NUP188: variants seen among roughly 807,000 people sequenced by gnomAD.
NUP188 encodes the protein nucleoporin 188.
A neutral mutation model predicts 223.0 loss-of-function variants in NUP188; 97 were observed. That is an observed-to-expected ratio of 0.43 (90% CI 0.37 to 0.51). NUP188 has a LOEUF of 0.51. NUP188 is among the 20% of genes least tolerant of loss of function. The pLI, the probability that NUP188 is intolerant of heterozygous loss-of-function variation, is 0.00. For synonymous variants in NUP188, 869 were observed against 828.0 expected (o/e 1.05, Z -0.85); for missense variants, 1,947 against 2,175.6 (o/e 0.89, Z 2.09).
chr9:129,004,866 T>G, intron 38 of NUP188: 1 of 513,092 alleles, frequency 1.9e-6, no homozygotes, highest in Non-Finnish European at 3.5e-6. Context: ...AGGGAGACAG[T>G]CCAGTCCTGA....
chr9:128,957,496 G>A (rs1044843913), intron 5 of NUP188, among the ~76,000 whole-genome samples: 1 of 151,642 alleles, frequency 6.6e-6, no homozygotes, highest in African/African-American at 2.4e-5. Flanking sequence ...ATGGAGTTTC[G>A]CTCTGTCTCC....
Position 128,970,784 on chromosome 9 carries a change from T to G in NUP188, c.939T>G (p.Phe313Leu). The change falls in exon 11 of 44, where the codon TTT (phenylalanine) becomes TTG (leucine). Residue 313 changes from phenylalanine (F) to leucine (L), a missense_variant. Phe to Leu is a conservative substitution (Grantham distance 22). This residue lies in a region of NUP188 where 817 missense variants were observed against 865.8 expected (regional missense o/e 0.94). Coordinates refer to ENST00000372577, the MANE Select transcript of NUP188 (RefSeq NM_015354.3). ...ATATGGACTGTTTAATGTTGACCTT[T>G]GGGGACATTCCACATCATGCCCCAG... ...CQDMDCLMLT[F>L]GDIPHHAPVL... 6.2e-7 allele frequency: 1 copy of G among 1,614,194 alleles called. No homozygotes were observed. Among genetic ancestry groups the G allele is most frequent in the Non-Finnish European group, 8.5e-7 (1 of 1,180,022 alleles).
In NUP188 at chr9:128,968,513, G is replaced by A. The variant is rs772283981; in HGVS notation, c.593G>A (p.Arg198His). The change falls in exon 9 of 44, where the codon CGC becomes CAC. Residue 198 changes from arginine (R) to histidine (H), a missense_variant. Physicochemically the swap from Arg to His is conservative, Grantham distance 29. Coordinates refer to ENST00000372577, the MANE Select transcript of NUP188 (RefSeq NM_015354.3). ...WETHGNLMTE[R>H]QVSRWFVQCL... ...TTTTCATTGGTTGTACAGACAGAGC[G>A]CCAAGTGTCTCGCTGGTTTGTTCAG... 8.7e-6 allele frequency: 14 copies of A among 1,613,638 alleles called. No individual in the cohort carries two copies. The highest frequency in any genetic ancestry group is 3.3e-4 in the Middle Eastern group (2 of 6,082).
rs1473585417 is a variant in NUP188, at chr9:129,001,594, G to C, written c.3909G>C (p.Trp1303Cys). Residue 1303 changes from tryptophan (W) to cysteine (C), a missense_variant, in exon 35 of 44, where the codon TGG (tryptophan) becomes TGC (cysteine). This residue lies in a region of NUP188 where 905 missense variants were observed against 990.6 expected (regional missense o/e 0.91). Transcript: ENST00000372577. ...AGGTAGACGAGGATGGTGACTCCTG[G>C]CTGCAGGTAACCCGCAGGCTCCCCA... is the stretch of plus-strand genomic sequence containing the variant. ...LCEVDEDGDS[W>C]LQVTRRLPIL... 1 of 1,613,996 alleles carries C rather than the reference G, an allele frequency of 6.2e-7. No homozygotes were observed. Among genetic ancestry groups the C allele is most frequent in the East Asian group, 2.2e-5 (1 of 44,872 alleles).
At chr9:128,987,547 C>G in intron 22 of NUP188, 42 bp from the exon 23 acceptor site, 1 of 1,588,748 alleles carries the variant, frequency 6.3e-7, no homozygotes, top group Non-Finnish European at 8.6e-7. Flanking sequence ...CCAAGATACA[C>G]TGAGTGGCTC....
chr9:128,961,586 C>T (rs1446698998), intron 8 of NUP188, among the ~76,000 whole-genome samples: 2 of 118,392 alleles, frequency 1.7e-5, no homozygotes, highest in East Asian at 4.7e-4. Flanking sequence ...ATCTATCTAT[C>T]TATCTAGATA....
intron 5 of NUP188, among the ~76,000 whole-genome samples, chr9:128,957,462 G>C (rs947107662): frequency 6.6e-6 from 1 of 151,934 alleles, no homozygotes; most frequent in African/African-American, 2.4e-5. Context: ...ATAAGGATTT[G>C]GTAGAGTTTC....
rs1205071177 is a variant in NUP188, at chr9:129,005,440, A to G, written c.4647A>G (p.Thr1549=). ...CATCAGAGCAGCAGGCCTTGCACAC[A>G]GTCCAGTATGGCCTTCTCAAGATCC... ...TEASEQQALH[T]VQYGLLKILS... Residue 1549 remains threonine, a synonymous_variant, in exon 40 of 44, where the codon ACA becomes ACG. Transcript: ENST00000372577. 11 of 1,608,408 alleles carry G rather than the reference A, an allele frequency of 6.8e-6. No homozygotes were observed. The highest frequency in any genetic ancestry group is 8.5e-6 in the Non-Finnish European group (10 of 1,180,008).
At position 128,994,931 on chromosome 9, in the gene NUP188, C is replaced by T. The variant is rs1439935013; in HGVS notation, c.3155+8C>T. 25 of 1,595,354 alleles carry T rather than the reference C, an allele frequency of 1.6e-5. No individual in the cohort carries two copies. Among genetic ancestry groups the T allele is most frequent in the Non-Finnish European group, 2.1e-5 (25 of 1,162,948 alleles). On this transcript the variant is annotated splice_region_variant and intron_variant, in intron 29 of 43. Coordinates refer to ENST00000372577, the MANE Select transcript of NUP188 (RefSeq NM_015354.3). The stretch of plus-strand genomic sequence containing the variant: ...GATATACTATGTAGTAAAGTGAGTA[C>T]TTTCCCCTCTTGAGATTTTAACTGA...
intron 2 of NUP188, among the ~76,000 whole-genome samples, chr9:128,951,155 A>G (rs1270744387): frequency 1.3e-5 from 2 of 152,064 alleles, no homozygotes; most frequent in African/African-American, 4.8e-5. Flanking sequence ...CTAAAAATAC[A>G]AAATTAGCCC....
intron 9 of NUP188, among the ~76,000 whole-genome samples, 182 bp downstream of exon 9, chr9:128,968,899 A>G (rs929815059): frequency 1.3e-5 from 2 of 152,178 alleles, no homozygotes; most frequent in African/African-American, 4.8e-5. Flanking sequence ...TCTCAAAATG[A>G]GTATTGTAAT....
chr9:128,999,357 C>T, intron 33 of NUP188, 40 bp downstream of exon 33: 1 of 1,604,182 alleles, frequency 6.2e-7, no homozygotes, highest in Non-Finnish European at 8.5e-7. Flanking sequence ...CTGCAGTCTG[C>T]CCACTCCTGC....
Position 128,970,721 on chromosome 9 carries a change from T to C in NUP188, c.913-37T>C, listed in dbSNP as rs1250449729. 4 of 1,567,244 alleles carry C rather than the reference T, an allele frequency of 2.6e-6. No homozygotes were observed. The African/African-American group carries it at 5.4e-5, about 21-fold the overall frequency. Reference sequence around the variant, plus strand: ...CTGGTCGAGGGATATTAACACTTTCTGTTCGGAGATGTAGATGTGTTTTCT... The same window carrying C: ...CTGGTCGAGGGATATTAACACTTTCCGTTCGGAGATGTAGATGTGTTTTCT... On this transcript the variant is annotated intron_variant, in intron 10 of 43. Transcript: ENST00000372577.
At chr9:128,984,316 G>C (rs1842301139) in intron 19 of NUP188, among the ~76,000 whole-genome samples, 1 of 151,798 alleles carries the variant, frequency 6.6e-6, no homozygotes, top group Non-Finnish European at 1.5e-5. Flanking sequence ...GGTAGAGATA[G>C]TGTTTCACCG....
chr9:128,983,274 T>A lies in NUP188; in HGVS notation c.1797-19T>A, dbSNP rs749357265. On this transcript the variant is annotated intron_variant, in intron 17 of 43. Coordinates refer to ENST00000372577, the MANE Select transcript of NUP188 (RefSeq NM_015354.3). Reference sequence around the variant, plus strand: ...GTATTATTTGCTTTATTGAGTATAGTGTATTGTTCTCCAACCAGGTTAACG... The same window carrying A: ...GTATTATTTGCTTTATTGAGTATAGAGTATTGTTCTCCAACCAGGTTAACG... 1.2e-6 allele frequency: 2 copies of A among 1,601,838 alleles called. No individual in the cohort carries two copies. The highest frequency in any genetic ancestry group is 2.2e-5 in the South Asian group (2 of 90,818).
intron 3 of NUP188, among the ~76,000 whole-genome samples, chr9:128,953,509 T>G (rs1841825117): frequency 6.6e-6 from 1 of 152,200 alleles, no homozygotes; most frequent in South Asian, 2.1e-4. Flanking sequence ...TATTACATCT[T>G]TACCTTCCAT....
At chr9:128,978,648 C>T (rs1842213143) in intron 12 of NUP188, among the ~76,000 whole-genome samples, 1 of 150,976 alleles carries the variant, frequency 6.6e-6, no homozygotes, top group Non-Finnish European at 1.5e-5. Context: ...TAGAGCATGA[C>T]CTTGTCTTTA....
chr9:128,981,694 A>G (rs1381139181), intron 15 of NUP188, among the ~76,000 whole-genome samples: 2 of 152,202 alleles, frequency 1.3e-5, no homozygotes, highest in East Asian at 1.9e-4. Flanking sequence ...TCATCTAGGC[A>G]CTAACAGTCC....
chr9:128,970,923 C>G lies in NUP188; in HGVS notation c.1078C>G (p.Arg360Gly). The G allele has an allele frequency of 6.2e-7, 1 of 1,613,946 alleles. No individual in the cohort carries two copies. Among genetic ancestry groups the G allele is most frequent in the South Asian group, 1.1e-5 (1 of 91,044 alleles). ...IQLNVFQYLTRLLQSLASGGN... is the reference protein window; with the variant it reads ...IQLNVFQYLTGLLQSLASGGN... ...GCTGAATGTGTTTCAGTACTTGACCCGATTGCTCCAGTCCCTTGCCAGTGG... is the reference window on the plus strand; with the variant it reads ...GCTGAATGTGTTTCAGTACTTGACCGGATTGCTCCAGTCCCTTGCCAGTGG... The change falls in exon 11 of 44, where the codon CGA becomes GGA. Residue 360 changes from arginine to glycine, a missense_variant. Physicochemically the swap from Arg to Gly is moderately radical, Grantham distance 125. Coordinates refer to ENST00000372577, the MANE Select transcript of NUP188 (RefSeq NM_015354.3).
Sources: allele counts gnomAD v4.1 joint callset (sites outside exome capture counted in the v4.1 genomes callset), GRCh38; gene constraint gnomAD v4.1.1; regional missense constraint gnomAD v4.1.1; transcripts MANE v1.5; gene names NCBI Gene and HGNC (gene_info 2026-07-23, HGNC 2026-07-21).